RPL9: variants seen among roughly 807,000 people sequenced by gnomAD.
RPL9 encodes the protein ribosomal protein L9.
For synonymous variants in RPL9, 82 were observed against 77.1 expected, an observed-to-expected ratio of 1.06 and a Z score of -0.33; for missense variants, 149 against 236.7, an observed-to-expected ratio of 0.63 and a Z score of 2.43.
intron 3 of RPL9, 39 bp from the exon 4 acceptor site, chr4:39,457,720 G>A: frequency 6.5e-7 from 1 of 1,527,076 alleles, no homozygotes; most frequent in Non-Finnish European, 9.1e-7. Flanking sequence ...CCAGAAATAT[G>A]CAGGCTTAAA....
chr4:39,457,389 A>T, intron 4 of RPL9, 197 bp downstream of exon 4: 3 of 455,660 alleles, frequency 6.6e-6, no homozygotes. Context: ...AAAAAAACAA[A>T]CATGTTGTAC....
In RPL9 at chr4:39,458,571, C is replaced by A. The variant is rs575206520; in HGVS notation, c.-1-131G>T. On this transcript the variant is annotated intron_variant, in intron 1 of 7. Transcript: ENST00000295955. ...AGACAAGATGTCGGAGGACGGGAGA[C>A]CGACAGCGGGCCCCAGTGTGTCCCA... 2.2e-4 allele frequency: 207 copies of A among 936,946 alleles called. No individual in the cohort carries two copies. In the African/African-American group the frequency reaches 3.1e-3, roughly 14 times the overall value. 58.0% of individuals were successfully genotyped at this position (936,946 alleles called of 1,614,324 possible). A position where few individuals can be genotyped will look rare whatever the true frequency, so the allele number is the denominator to read the frequency against.
chr4:39,455,526 C>T (rs564073063), intron 5 of RPL9, among the ~76,000 whole-genome samples: 45 of 151,474 alleles, frequency 3.0e-4, no homozygotes, highest in Admixed American at 2.9e-3. Flanking sequence ...CCTGCCTCTA[C>T]AAAAAACTTA....
At chr4:39,455,128 T>A in intron 5 of RPL9, 184 bp from the exon 6 acceptor site, 1 of 553,304 alleles carries the variant, frequency 1.8e-6, no homozygotes, top group Non-Finnish European at 3.2e-6. Flanking sequence ...GGCGGGCGGA[T>A]CATGAGGTCA....
Position 39,458,871 on chromosome 4 carries a change from G to C in RPL9, c.-2+20C>G, listed in dbSNP as rs1297145910. ...GGTTTCAGATTCCCAGTACCCCCACGAGCACAGAAACATCCTTACCTCGCA... is the reference window on the plus strand; with the variant it reads ...GGTTTCAGATTCCCAGTACCCCCACCAGCACAGAAACATCCTTACCTCGCA... On this transcript the variant is annotated intron_variant, in intron 1 of 7. Transcript: ENST00000295955. 2 of 699,232 alleles carry C rather than the reference G, an allele frequency of 2.9e-6. No homozygotes were observed. The highest frequency in any genetic ancestry group is 1.7e-5 in the African/African-American group (1 of 57,318). The allele number at this position is 699,232 out of a possible 1,614,324, so 43.3% of individuals were successfully genotyped here. A position where few individuals can be genotyped will look rare whatever the true frequency, so the allele number is the denominator to read the frequency against.
At chr4:39,457,985 G>A in intron 3 of RPL9, 2 of 696,658 alleles carry the variant, frequency 2.9e-6, no homozygotes, top group Middle Eastern at 2.4e-4. Flanking sequence ...ACGTGTCACT[G>A]ATGACCACTA....
At chr4:39,455,284 G>T in intron 5 of RPL9, 1 of 188,576 alleles carries the variant, frequency 5.3e-6, no homozygotes, top group Non-Finnish European at 1.1e-5. Flanking sequence ...GGAGGCAGGG[G>T]TTTATTTTTA....
At position 39,456,473 on chromosome 4, in the gene RPL9, A is replaced by G. The variant is rs745417414; in HGVS notation, c.324T>C (p.Asn108=). ...HFPINVVIQE[N]GSLVEIRNFL... ...AATTTCGGATTTCAACAAGAGACCC[A>G]TTCTCCTGGATAACAACGTTGATGG... Residue 108 remains asparagine (N), a synonymous_variant, in exon 5 of 8, where the codon AAT becomes AAC. Transcript: ENST00000295955. The G allele has an allele frequency of 2.5e-6, 4 of 1,614,158 alleles. No individual in the cohort carries two copies. Among genetic ancestry groups the G allele is most frequent in the Non-Finnish European group, 3.4e-6 (4 of 1,179,972 alleles).
intron 5 of RPL9, 152 bp from the exon 6 acceptor site, chr4:39,455,096 T>A (rs1744034445): frequency 1.4e-6 from 1 of 715,992 alleles, no homozygotes; most frequent in African/African-American, 1.8e-5. Flanking sequence ...ACGCCTGTAA[T>A]CTCAGCACTT....
chr4:39,455,046 G>T, intron 5 of RPL9, 102 bp from the exon 6 acceptor site: 1 of 1,203,700 alleles, frequency 8.3e-7, no homozygotes, highest in South Asian at 1.5e-5. Context: ...TGCACCAAAA[G>T]AACCTTTTCT....
intron 3 of RPL9, 159 bp from the exon 4 acceptor site, chr4:39,457,840 T>C: frequency 7.4e-6 from 5 of 671,286 alleles, no homozygotes; most frequent in African/African-American, 1.8e-5. Context: ...TCCCAACAGT[T>C]AAGCTTTGTA....
intron 4 of RPL9, 187 bp from the exon 5 acceptor site, chr4:39,456,725 G>C (rs995803658): frequency 1.6e-6 from 1 of 631,068 alleles, no homozygotes; most frequent in African/African-American, 1.8e-5. Flanking sequence ...AAAGCTCCTT[G>C]CGGAGGCTTT....
At chr4:39,454,811 C>G (rs547012845) in intron 6 of RPL9, 53 bp downstream of exon 6, 2 of 1,574,676 alleles carry the variant, frequency 1.3e-6, no homozygotes, top group Non-Finnish European at 1.7e-6. Context: ...GTATTTTAAA[C>G]AAGATTTAGA....
intron 1 of RPL9, 162 bp from the exon 2 acceptor site, chr4:39,458,602 G>T: frequency 1.4e-6 from 1 of 699,218 alleles, no homozygotes; most frequent in Non-Finnish European, 2.4e-6. Context: ...TCCCAGCCTG[G>T]AAGGAGCAGC....
chr4:39,458,372 T>C, intron 2 of RPL9, 22 bp downstream of exon 2: 2 of 1,614,046 alleles, frequency 1.2e-6, no homozygotes, highest in Non-Finnish European at 1.7e-6. Context: ...AAGATGTAAG[T>C]AAAAGACATC....
chr4:39,454,440 C>T (rs1744007477), intron 7 of RPL9, 93 bp downstream of exon 7: 1 of 955,486 alleles, frequency 1.0e-6, no homozygotes, highest in Admixed American at 2.9e-5. Context: ...TCTCCATTTT[C>T]TATTACTACA....
intron 6 of RPL9, 74 bp downstream of exon 6, chr4:39,454,790 A>T: frequency 6.6e-7 from 1 of 1,511,936 alleles, no homozygotes; most frequent in Non-Finnish European, 9.0e-7. Context: ...AATAAAAATT[A>T]GCAAAATACT....
At chr4:39,454,790 A>G in intron 6 of RPL9, 74 bp downstream of exon 6, 2 of 1,511,936 alleles carry the variant, frequency 1.3e-6, no homozygotes, top group Non-Finnish European at 1.8e-6. Flanking sequence ...AATAAAAATT[A>G]GCAAAATACT....
chr4:39,456,061 T>C (rs75663604), intron 5 of RPL9: 2 of 326,598 alleles, frequency 6.1e-6, no homozygotes, highest in Non-Finnish European at 1.2e-5. Flanking sequence ...AGAATATGCA[T>C]GTGTTGAAAC....
Sources: allele counts gnomAD v4.1 joint callset (sites outside exome capture counted in the v4.1 genomes callset), GRCh38; gene constraint gnomAD v4.1.1; transcripts MANE v1.5; gene names NCBI Gene and HGNC (gene_info 2026-07-23, HGNC 2026-07-21).